IDNK: variants seen among roughly 807,000 people sequenced by gnomAD.
IDNK encodes gluconokinase.
In IDNK, 9 loss-of-function variants were observed where a neutral mutation model predicts 13.0. The observed-to-expected ratio is 0.69, with a 90% CI of 0.42 to 1.21. The LOEUF is 1.21. Among genes scored for constraint, IDNK ranks in the 50% most tolerant of loss-of-function variants. The pLI, the probability that IDNK is intolerant of heterozygous loss-of-function variation, is 0.00. For synonymous variants in IDNK, 92 were observed against 94.9 expected (o/e 0.97, Z 0.18); for missense variants, 210 against 237.8 (o/e 0.88, Z 0.77).
intron 1 of IDNK, among the ~76,000 whole-genome samples, chr9:83,624,581 T>C (rs1830794235): frequency 6.6e-6 from 1 of 152,060 alleles, no homozygotes; most frequent in Admixed American, 6.5e-5. Context: ...ATGTCTCCTC[T>C]GGGGGAGTGG....
chr9:83,632,015 T>G (rs1352835056), intron 3 of IDNK, among the ~76,000 whole-genome samples: 1 of 152,188 alleles, frequency 6.6e-6, no homozygotes, highest in African/African-American at 2.4e-5. Flanking sequence ...ATTGTAATAT[T>G]TGCCCTGTAT....
At chr9:83,628,085 C>G in intron 1 of IDNK, 96 bp from the exon 2 acceptor site, 1 of 1,537,080 alleles carries the variant, frequency 6.5e-7, no homozygotes, top group Non-Finnish European at 8.8e-7. Context: ...TAAATTCCTG[C>G]TAAGGCAGCC....
At chr9:83,638,092 C>G (rs139469586) in intron 3 of IDNK, among the ~76,000 whole-genome samples, 45 of 151,884 alleles carry the variant, frequency 3.0e-4, no homozygotes, top group African/African-American at 1.1e-3. Flanking sequence ...AAACTTAGGA[C>G]TCCCACAAAG....
At chr9:83,640,700 T>C (rs1831280213) in intron 3 of IDNK, among the ~76,000 whole-genome samples, 1 of 152,020 alleles carries the variant, frequency 6.6e-6, no homozygotes, top group Non-Finnish European at 1.5e-5. Flanking sequence ...AATTAATTAG[T>C]CGGGCATGGT....
intron 1 of IDNK, chr9:83,626,672 C>A (rs879851333): frequency 2.6e-4 from 335 of 1,264,170 alleles, no homozygotes; most frequent in Non-Finnish European, 3.4e-4. Context: ...CTGCCTCAGC[C>A]TCCCAAAGTG....
At chr9:83,634,968 GA>G in intron 3 of IDNK, among the ~76,000 whole-genome samples, 1 of 152,314 alleles carries the variant, frequency 6.6e-6, no homozygotes. Context: ...TCAGCCCTCA[GA>G]ACTTTCCAAT....
At chr9:83,639,811 G>T (rs1831255977) in intron 3 of IDNK, among the ~76,000 whole-genome samples, 1 of 152,224 alleles carries the variant, frequency 6.6e-6, no homozygotes, top group Non-Finnish European at 1.5e-5. Context: ...ATAATTTATA[G>T]TAAGGGCATG....
rs567108935 is a variant in IDNK, at chr9:83,626,866, C to G, written c.51-1315C>G. 7 of 1,086,504 alleles carry G rather than the reference C, an allele frequency of 6.4e-6. No homozygotes were observed. In the South Asian group the frequency reaches 1.5e-4, roughly 24 times the overall value. 67.3% of individuals were successfully genotyped at this position (1,086,504 alleles called of 1,614,324 possible). A position where few individuals can be genotyped will look rare whatever the true frequency, so the allele number is the denominator to read the frequency against. On this transcript the variant is annotated intron_variant, in intron 1 of 4. Transcript: ENST00000376419. ...CTAATGGGAAAGGTTTCACTGCTCT[C>G]GCAACCTTTGGTTACATCCAGGAGC... is the stretch of plus-strand genomic sequence containing the variant.
At chr9:83,623,940 C>T (rs1302254286) in intron 1 of IDNK, among the ~76,000 whole-genome samples, 1 of 152,182 alleles carries the variant, frequency 6.6e-6, no homozygotes, top group Non-Finnish European at 1.5e-5. Flanking sequence ...CGACCACAGG[C>T]AGCAAAGGAC....
In IDNK at chr9:83,623,859, A is replaced by C. The variant is rs11140179; in HGVS notation, c.50+638A>C. Among the ~76,000 whole-genome samples, 1,260 of 152,324 alleles carry C rather than the reference A, an allele frequency of 8.3e-3. 34 individuals carry two copies. The highest frequency in any genetic ancestry group is 0.045 in the East Asian group (232 of 5,176). On this transcript the variant is annotated intron_variant, in intron 1 of 4. Transcript: ENST00000376419. ...GTGCTAACCTGGAGACTGAGGAGTT[A>C]ACATTTGGCTTCCTGTTTAAACCAA...
chr9:83,640,188 C>G (rs1449400997), intron 3 of IDNK, among the ~76,000 whole-genome samples: 1 of 152,050 alleles, frequency 6.6e-6, no homozygotes, highest in Non-Finnish European at 1.5e-5. Context: ...GATCTCCCCT[C>G]AAAAAAGGCC....
chr9:83,626,383 T>C (rs914365733), intron 1 of IDNK: 3 of 299,298 alleles, frequency 1.0e-5, no homozygotes, highest in Admixed American at 5.1e-5. Context: ...CTGGCTGGCA[T>C]GTTCATTCAT....
At chr9:83,639,666 G>A (rs2131634692) in intron 3 of IDNK, among the ~76,000 whole-genome samples, 1 of 152,294 alleles carries the variant, frequency 6.6e-6, no homozygotes, top group Non-Finnish European at 1.5e-5. Context: ...AAAATATCAA[G>A]ACTGGGGAAA....
At position 83,643,468 on chromosome 9, in the gene IDNK, A is replaced by G. The variant is rs371391467; in HGVS notation, c.252A>G (p.Ser84=). The G allele has an allele frequency of 4.8e-5, 78 of 1,613,556 alleles. No homozygotes were observed. The East Asian group carries it at 1.3e-3, about 27-fold the overall frequency. Residue 84 remains serine, a synonymous_variant, in exon 5 of 5, where the codon TCA becomes TCG. Coordinates refer to ENST00000376419, the MANE Select transcript of IDNK (RefSeq NM_001001551.4). Reference sequence around the variant, plus strand: ...GACAGCGTGTGGTTCTAGCCTGTTCAGCCCTGAAGAAAACGTACAGAGACA... The same window carrying G: ...GACAGCGTGTGGTTCTAGCCTGTTCGGCCCTGAAGAAAACGTACAGAGACA... ...ASGQRVVLAC[S]ALKKTYRDIL... is the part of the protein sequence containing the mutation.
intron 3 of IDNK, among the ~76,000 whole-genome samples, chr9:83,637,442 G>A (rs1208703542): frequency 6.6e-6 from 1 of 152,224 alleles, no homozygotes; most frequent in African/African-American, 2.4e-5. Flanking sequence ...TTGGTAGAAT[G>A]ACCTTGCACT....
intron 1 of IDNK, among the ~76,000 whole-genome samples, chr9:83,627,853 C>CAAAA (rs149062579): frequency 1.2e-4 from 9 of 73,928 alleles, no homozygotes; most frequent in East Asian, 7.5e-4. Flanking sequence ...ATCCCCACCA[C>CAAAA]AAAAAAAAAA....
Position 83,643,837 on chromosome 9 carries a change from C to A in IDNK, c.*57C>A. The A allele has an allele frequency of 1.5e-6, 2 of 1,336,380 alleles. No individual in the cohort carries two copies. The highest frequency in any genetic ancestry group is 1.3e-5 in the South Asian group (1 of 75,412). The allele number at this position is 1,336,380 out of a possible 1,614,324, so 82.8% of individuals were successfully genotyped here. On this transcript the variant is annotated 3_prime_UTR_variant, in exon 5 of 5. Coordinates refer to ENST00000376419, the MANE Select transcript of IDNK (RefSeq NM_001001551.4). ...CTAAGCATAAATCATTGTGCCATCCCAAACCTCGTTCCAGCCGCCTTGCCC... is the reference window on the plus strand; with the variant it reads ...CTAAGCATAAATCATTGTGCCATCCAAAACCTCGTTCCAGCCGCCTTGCCC...
At chr9:83,628,234 T>G in intron 2 of IDNK, 23 bp downstream of exon 2, 2 of 1,528,836 alleles carry the variant, frequency 1.3e-6, no homozygotes, top group Non-Finnish European at 1.8e-6. Context: ...TCCTAATGCC[T>G]TCCGAGTGCT....
At position 83,628,917 on chromosome 9, in the gene IDNK, A is replaced by C. The variant is rs879545944; in HGVS notation, c.126A>C (p.Glu42Asp). ...FYDADDYHPEENRRKMGKGIP... is the reference protein window; with the variant it reads ...FYDADDYHPEDNRRKMGKGIP... ...ATGCTGATGATTATCACCCGGAGGA[A>C]AATCGAAGGAAGATGGGAAAAGGCA... The change falls in exon 3 of 5, where the codon GAA becomes GAC. Residue 42 changes from glutamate to aspartate, a missense_variant. Transcript: ENST00000376419. The C allele has an allele frequency of 1.2e-6, 2 of 1,614,036 alleles. No individual in the cohort carries two copies. Among genetic ancestry groups the C allele is most frequent in the African/African-American group, 2.7e-5 (2 of 74,922 alleles).
Sources: gnomAD v4.1 joint callset for allele counts (sites outside exome capture counted in the v4.1 genomes callset) on GRCh38, gnomAD v4.1.1 for gene constraint, MANE v1.5 for transcripts, NCBI Gene and HGNC (gene_info 2026-07-23, HGNC 2026-07-21) for gene names.